ASTN2: variants seen among roughly 807,000 people sequenced by gnomAD.
ASTN2 encodes astrotactin-2.
ASTN2 carries 54 observed loss-of-function variants against 139.8 expected under a neutral mutation model. The observed-to-expected ratio is 0.39, with a 90% CI of 0.31 to 0.48. The LOEUF (loss-of-function observed/expected upper bound fraction) is 0.48, where lower values mean the gene tolerates loss of function less well. Among genes scored for constraint, ASTN2 ranks in the 20% least tolerant of loss-of-function variants. The pLI is 0.95. For missense variants in ASTN2, 1,565 were observed against 1,725.1 expected, an observed-to-expected ratio of 0.91 and a Z score of 1.64; for synonymous variants, 756 against 719.5, an observed-to-expected ratio of 1.05 and a Z score of -0.81.
At chr9:116,954,382 G>A (rs1004160845) in intron 10 of ASTN2, among the ~76,000 whole-genome samples, 6 of 152,198 alleles carry the variant, frequency 3.9e-5, no homozygotes, top group African/African-American at 1.4e-4. Flanking sequence ...AATTTAGTTT[G>A]TCTAGATTGG....
intron 17 of ASTN2, among the ~76,000 whole-genome samples, chr9:116,628,553 G>A (rs570297621): frequency 2.6e-5 from 4 of 152,188 alleles, no homozygotes; most frequent in African/African-American, 7.2e-5. Flanking sequence ...AAAAGGATCC[G>A]TGGTTTCCAG....
chr9:117,120,405 T>C (rs1315917573), intron 4 of ASTN2, among the ~76,000 whole-genome samples: 1 of 152,164 alleles, frequency 6.6e-6, no homozygotes, highest in Admixed American at 6.5e-5. Flanking sequence ...GTGTATACAG[T>C]AATGTCTCCT....
At chr9:116,780,471 T>C (rs979332421) in intron 13 of ASTN2, among the ~76,000 whole-genome samples, 1 of 152,196 alleles carries the variant, frequency 6.6e-6, no homozygotes, top group Non-Finnish European at 1.5e-5. Context: ...GGATTAGCAT[T>C]TCTGGGGAAC....
At chr9:116,468,276 A>C (rs1353873413) in intron 20 of ASTN2, among the ~76,000 whole-genome samples, 1 of 152,150 alleles carries the variant, frequency 6.6e-6, no homozygotes, top group Non-Finnish European at 1.5e-5. Context: ...AAAATTAGTA[A>C]GGAAGAAATG....
chr9:117,254,692 C>T (rs1833636181), intron 2 of ASTN2, among the ~76,000 whole-genome samples: 1 of 152,126 alleles, frequency 6.6e-6, no homozygotes, highest in South Asian at 2.1e-4. Context: ...ATGTAATTAA[C>T]TAAAATTTTT....
intron 5 of ASTN2, among the ~76,000 whole-genome samples, chr9:117,085,741 A>T (rs1828544180): frequency 6.6e-6 from 1 of 152,168 alleles, no homozygotes; most frequent in African/African-American, 2.4e-5. Context: ...GATACCAGGA[A>T]GTTCTCAGGG....
At chr9:117,352,525 C>T (rs1829420446) in intron 1 of ASTN2, among the ~76,000 whole-genome samples, 1 of 152,162 alleles carries the variant, frequency 6.6e-6, no homozygotes, top group Non-Finnish European at 1.5e-5. Context: ...GCTTCCAATG[C>T]ACAGGGATTG....
At chr9:116,613,211 T>A (rs540506543) in intron 19 of ASTN2, 2 of 151,914 alleles carry the variant, frequency 1.3e-5, no homozygotes, top group African/African-American at 4.8e-5. Flanking sequence ...CAATAACAGG[T>A]TCTGAAATTG....
chr9:116,786,674 T>C (rs1488258584), intron 13 of ASTN2, among the ~76,000 whole-genome samples: 2 of 152,198 alleles, frequency 1.3e-5, no homozygotes, highest in East Asian at 3.9e-4. Flanking sequence ...GAATGTCTTT[T>C]ATACTGTTTG....
intron 3 of ASTN2, among the ~76,000 whole-genome samples, chr9:117,181,844 T>C (rs1831075827): frequency 6.6e-6 from 1 of 152,206 alleles, no homozygotes; most frequent in Non-Finnish European, 1.5e-5. Flanking sequence ...TACCCCTTTC[T>C]TTCTTTCCTC....
At chr9:116,942,079 TAC>T (rs1835252287) in intron 10 of ASTN2, among the ~76,000 whole-genome samples, 1 of 117,804 alleles carries the variant, frequency 8.5e-6, no homozygotes, top group Non-Finnish European at 2.1e-5. Context: ...CAAGTGCACG[TAC>T]GCACGCACGC....
At chr9:116,899,053 TA>T (rs552483367) in intron 10 of ASTN2, among the ~76,000 whole-genome samples, 21 of 152,198 alleles carry the variant, frequency 1.4e-4, no homozygotes, top group Non-Finnish European at 2.4e-4. Flanking sequence ...ATAGACTCAG[TA>T]TTAACAAGGT....
At chr9:116,990,670 C>T (rs1470440039) in intron 7 of ASTN2, among the ~76,000 whole-genome samples, 1 of 152,240 alleles carries the variant, frequency 6.6e-6, no homozygotes, top group Non-Finnish European at 1.5e-5. Context: ...AAGCACACTA[C>T]AGCCCCCACT....
chr9:116,821,253 G>A (rs1831476965), intron 11 of ASTN2, among the ~76,000 whole-genome samples: 1 of 152,074 alleles, frequency 6.6e-6, no homozygotes, highest in African/African-American at 2.4e-5. Context: ...TCTTCTCACT[G>A]TGTGACCCGA....
intron 5 of ASTN2, among the ~76,000 whole-genome samples, chr9:117,094,199 GAGGAGAGGAGAGGAGAGGAA>G (rs1211950699): frequency 2.9e-5 from 4 of 136,044 alleles, no homozygotes; most frequent in Non-Finnish European, 4.9e-5. Context: ...GAGGAGAGGA[GAGGAGAGGAGAGGAGAGGAA>G]AGGAAAGAGG....
chr9:116,518,306 T>A (rs2119220264), intron 19 of ASTN2, among the ~76,000 whole-genome samples: 1 of 152,332 alleles, frequency 6.6e-6, no homozygotes, highest in East Asian at 1.9e-4. Context: ...TAAGAGCATA[T>A]TTCTCAACAG....
At chr9:116,719,105 A>C (rs1231358112) in intron 16 of ASTN2, among the ~76,000 whole-genome samples, 1 of 151,426 alleles carries the variant, frequency 6.6e-6, no homozygotes, top group African/African-American at 2.4e-5. Context: ...TCAGGGAGGC[A>C]GGGTAGATGC....
intron 19 of ASTN2, among the ~76,000 whole-genome samples, chr9:116,534,295 A>G (rs1316901114): frequency 6.6e-6 from 1 of 151,248 alleles, no homozygotes; most frequent in African/African-American, 2.4e-5. Flanking sequence ...AATTTTGTTG[A>G]TCTTTTCAAA....
intron 1 of ASTN2, among the ~76,000 whole-genome samples, chr9:117,299,549 G>T (rs1834824808): frequency 6.6e-6 from 1 of 152,140 alleles, no homozygotes; most frequent in Non-Finnish European, 1.5e-5. Flanking sequence ...GGGAAGGAAG[G>T]CAAGAAGGTC....
Sources: allele counts gnomAD v4.1 joint callset (sites outside exome capture counted in the v4.1 genomes callset), GRCh38; gene constraint gnomAD v4.1.1; transcripts MANE v1.5; gene names NCBI Gene and HGNC (gene_info 2026-07-23, HGNC 2026-07-21).